Variants in CSMD1 observed in about 807,000 individuals in gnomAD.
CSMD1 encodes CUB and Sushi multiple domains 1, also known as CUB and sushi domain-containing protein 1.
In CSMD1, 213 loss-of-function variants were observed where a neutral mutation model predicts 417.5. The observed-to-expected ratio is 0.51, with a 90% CI of 0.46 to 0.57. The LOEUF is 0.57. Ranked by LOEUF, CSMD1 falls within the 20% of genes least tolerant of loss-of-function variation. The probability of loss-of-function intolerance (pLI) is 0.00; values close to 1 mark genes in which losing one functional copy is unlikely to be tolerated. For synonymous variants in CSMD1, 2,862 were observed against 1,736.8 expected (o/e 1.65, Z -16.11); for missense variants, 6,923 against 4,529.7 (o/e 1.53, Z -15.17).
rs1228867253 is a variant in CSMD1, at chr8:3,307,741, G to C, written c.3904C>G (p.Leu1302Val). Reference sequence around the variant, plus strand: ...GCCTCTATAATCCAGGTGCAGTGGAGGTTGTTGTCATACGGAGCTGGATAG... The same window carrying C: ...GCCTCTATAATCCAGGTGCAGTGGACGTTGTTGTCATACGGAGCTGGATAG... Reference protein sequence around the residue: ...PGYPAPYDNNLHCTWIIEADP... With the variant: ...PGYPAPYDNNVHCTWIIEADP... Residue 1302 changes from leucine (L) to valine (V), a missense_variant, in exon 25 of 70, where the codon CTC becomes GTC. Leu to Val is a conservative substitution (Grantham distance 32, BLOSUM62 1). Coordinates refer to ENST00000635120, the MANE Select transcript of CSMD1 (RefSeq NM_033225.6). The C allele has an allele frequency of 1.9e-6, 3 of 1,613,746 alleles. No homozygotes were observed. Among genetic ancestry groups the C allele is most frequent in the Middle Eastern group, 1.7e-4 (1 of 6,058 alleles).
At chr8:3,315,163 A>ATTCTT in intron 23 of CSMD1, among the ~76,000 whole-genome samples, 1 of 152,204 alleles carries the variant, frequency 6.6e-6, no homozygotes, top group Non-Finnish European at 1.5e-5. Context: ...TCTCATGTGA[A>ATTCTT]AAAAAGGGAC....
At chr8:4,700,198 C>T (rs1020194472) in intron 1 of CSMD1, among the ~76,000 whole-genome samples, 3 of 151,952 alleles carry the variant, frequency 2.0e-5, no homozygotes, top group African/African-American at 7.3e-5. Flanking sequence ...ATCTTGAAAT[C>T]TTAGAAAAAT....
At chr8:4,670,557 C>T (rs1805231140) in intron 1 of CSMD1, among the ~76,000 whole-genome samples, 1 of 152,112 alleles carries the variant, frequency 6.6e-6, no homozygotes, top group African/African-American at 2.4e-5. Flanking sequence ...CTGATCGTTA[C>T]CCTTAATATA....
intron 7 of CSMD1, among the ~76,000 whole-genome samples, chr8:3,632,831 C>T (rs28469516): frequency 0.14 from 21,150 of 152,094 alleles, 1,859 homozygotes; most frequent in African/African-American, 0.24. Context: ...CTATTGGTTC[C>T]CCTTCAGAGA....
At chr8:4,922,572 T>G (rs926174580) in intron 1 of CSMD1, among the ~76,000 whole-genome samples, 1 of 152,172 alleles carries the variant, frequency 6.6e-6, no homozygotes, top group African/African-American at 2.4e-5. Context: ...TTACATTTGT[T>G]TTCTATAAAA....
At chr8:3,722,504 T>C (rs997929932) in intron 6 of CSMD1, among the ~76,000 whole-genome samples, 3 of 152,138 alleles carry the variant, frequency 2.0e-5, no homozygotes, top group Non-Finnish European at 4.4e-5. Flanking sequence ...AAAAGCAGGG[T>C]CTGTCTTACC....
intron 2 of CSMD1, among the ~76,000 whole-genome samples, chr8:4,450,079 C>T (rs1355388855): frequency 6.6e-6 from 1 of 152,192 alleles, no homozygotes; most frequent in African/African-American, 2.4e-5. Flanking sequence ...CTTCCTCGTC[C>T]TGTCTCACTT....
intron 1 of CSMD1, among the ~76,000 whole-genome samples, chr8:4,772,932 C>T (rs1343313434): frequency 6.6e-6 from 1 of 152,028 alleles, no homozygotes; most frequent in Non-Finnish European, 1.5e-5. Flanking sequence ...ATACTTCATC[C>T]CTGCAACATT....
chr8:4,372,458 A>G (rs1802451116), intron 3 of CSMD1, among the ~76,000 whole-genome samples: 1 of 151,980 alleles, frequency 6.6e-6, no homozygotes, highest in Admixed American at 6.6e-5. Flanking sequence ...ACTCAATTCA[A>G]GGGCAATAGT....
rs756532044 is a variant in CSMD1, at chr8:3,909,983, C to T, written c.818+87920G>A. On this transcript the variant is annotated intron_variant, in intron 5 of 69. Coordinates refer to ENST00000635120, the MANE Select transcript of CSMD1 (RefSeq NM_033225.6). Reference sequence around the variant, plus strand: ...ATATGCAGACAACACTTGGGAGTAACTAGAATGTTCCTCCATTTATTTATA... The same window carrying T: ...ATATGCAGACAACACTTGGGAGTAATTAGAATGTTCCTCCATTTATTTATA... 6.4e-4 allele frequency among the ~76,000 whole-genome samples: 97 copies of T among 151,858 alleles called. 2 individuals carry two copies. The highest frequency in any genetic ancestry group is 1.8e-4 in the Non-Finnish European group (12 of 68,018).
At position 3,933,625 on chromosome 8, in the gene CSMD1, G is replaced by C. The variant is rs955634733; in HGVS notation, c.818+64278C>G. ...TAAGATTTGCTTCTGGTAAGATACT[G>C]TTAGTCTCTATATTGAAGAGATTTC... is the stretch of plus-strand genomic sequence containing the variant. On this transcript the variant is annotated intron_variant, in intron 5 of 69. Coordinates refer to ENST00000635120, the MANE Select transcript of CSMD1 (RefSeq NM_033225.6). Among the ~76,000 whole-genome samples, 3 of 152,196 alleles carry C rather than the reference G, an allele frequency of 2.0e-5. No individual in the cohort carries two copies. In the East Asian group the frequency reaches 5.8e-4, roughly 29 times the overall value.
intron 5 of CSMD1, among the ~76,000 whole-genome samples, chr8:3,990,755 C>G (rs1302328262): frequency 6.6e-6 from 1 of 152,092 alleles, no homozygotes; most frequent in Non-Finnish European, 1.5e-5. Context: ...TGCAGGGGCA[C>G]CTGCTGGTGA....
chr8:3,530,142 T>C (rs889258556), intron 10 of CSMD1, among the ~76,000 whole-genome samples: 2 of 152,176 alleles, frequency 1.3e-5, no homozygotes, highest in Non-Finnish European at 2.9e-5. Context: ...TAAGTTCATT[T>C]TCTCTGTTGT....
intron 10 of CSMD1, among the ~76,000 whole-genome samples, 199 bp from the exon 11 acceptor site, chr8:3,493,925 A>C (rs998248800): frequency 3.3e-5 from 5 of 152,246 alleles, no homozygotes; most frequent in Non-Finnish European, 1.5e-5. Context: ...TATGAAATTC[A>C]GAATTGCTAT....
At chr8:4,746,554 T>C (rs1284901019) in intron 1 of CSMD1, among the ~76,000 whole-genome samples, 1 of 152,206 alleles carries the variant, frequency 6.6e-6, no homozygotes, top group Non-Finnish European at 1.5e-5. Context: ...ACGAAGGGCT[T>C]GCCCAAGTGA....
chr8:4,621,733 T>G (rs1801790535), intron 2 of CSMD1, among the ~76,000 whole-genome samples: 1 of 151,978 alleles, frequency 6.6e-6, no homozygotes, highest in Admixed American at 6.6e-5. Flanking sequence ...AAAAAGGGAA[T>G]TACAGACAAA....
chr8:4,605,055 T>C (rs1370890416), intron 2 of CSMD1, among the ~76,000 whole-genome samples: 1 of 152,190 alleles, frequency 6.6e-6, no homozygotes, highest in Admixed American at 6.5e-5. Flanking sequence ...ACCAAAGTCC[T>C]ATCTAACTCC....
At position 3,387,620 on chromosome 8, in the gene CSMD1, C is replaced by T. The variant is rs181981898; in HGVS notation, c.2656G>A (p.Gly886Ser). The T allele has an allele frequency of 2.2e-4, 350 of 1,600,814 alleles. 3 individuals carry two copies. Among genetic ancestry groups the T allele is most frequent in the Middle Eastern group, 2.0e-3 (12 of 6,046 alleles). The change falls in exon 18 of 70, where the codon GGT becomes AGT. Residue 886 changes from glycine (G) to serine (S), a missense_variant. By Grantham distance (56) the Gly-to-Ser change is moderately conservative. Coordinates refer to ENST00000635120, the MANE Select transcript of CSMD1 (RefSeq NM_033225.6). Reference protein sequence around the residue: ...PGIPVNGHRHGGDFGIRSTVT... With the variant: ...PGIPVNGHRHSGDFGIRSTVT... Reference sequence around the variant, plus strand: ...GTGGACCTGATGCCAAAGTCTCCACCGTGGCGATGGCCGTTCACAGGGATG... The same window carrying T: ...GTGGACCTGATGCCAAAGTCTCCACTGTGGCGATGGCCGTTCACAGGGATG...
At chr8:4,748,359 G>A (rs935235398) in intron 1 of CSMD1, among the ~76,000 whole-genome samples, 6 of 152,200 alleles carry the variant, frequency 3.9e-5, no homozygotes, top group African/African-American at 1.4e-4. Context: ...TGTTTTCTTA[G>A]CATGGTTTTC....
Sources: gnomAD v4.1 joint callset for allele counts (sites outside exome capture counted in the v4.1 genomes callset) on GRCh38, gnomAD v4.1.1 for gene constraint, MANE v1.5 for transcripts, NCBI Gene and HGNC (gene_info 2026-07-23, HGNC 2026-07-21) for gene names.